The following MGMT variants were observed in gnomAD, a reference collection of about 807,000 sequenced individuals.
MGMT encodes the protein O-6-methylguanine-DNA methyltransferase, also known as methylated-DNA--protein-cysteine methyltransferase.
Under a neutral mutation model 15.9 loss-of-function variants are expected in MGMT, and 14 were observed. The ratio of observed to expected loss-of-function variants is 0.88; its 90% confidence interval spans 0.58 to 1.37. The LOEUF is 1.37. Among genes scored for constraint, MGMT ranks in the 40% most tolerant of loss-of-function variants. MGMT has a pLI of 0.00. For synonymous variants in MGMT, 130 were observed against 118.2 expected, an observed-to-expected ratio of 1.10 and a Z score of -0.65; for missense variants, 282 against 268.1, an observed-to-expected ratio of 1.05 and a Z score of -0.36.
chr10:129,467,367 G>A, intron 1 of MGMT, 71 bp downstream of exon 1: 2 of 1,424,474 alleles, frequency 1.4e-6, no homozygotes, highest in Non-Finnish European at 1.8e-6. Flanking sequence ...AGCCTCGAGT[G>A]GTCCTGCAGG....
chr10:129,734,792 G>A (rs1168404394), intron 3 of MGMT, among the ~76,000 whole-genome samples: 1 of 152,118 alleles, frequency 6.6e-6, no homozygotes, highest in African/African-American at 2.4e-5. Flanking sequence ...TTTTGTCAAA[G>A]GCCTTTTCTG....
intron 2 of MGMT, among the ~76,000 whole-genome samples, chr10:129,563,591 C>T (rs1454219896): frequency 1.3e-5 from 2 of 152,154 alleles, no homozygotes; most frequent in Non-Finnish European, 2.9e-5. Context: ...GTGGTGTGAG[C>T]ATGCGGAGCT....
At chr10:129,614,285 T>C (rs971214143) in intron 2 of MGMT, among the ~76,000 whole-genome samples, 2 of 152,242 alleles carry the variant, frequency 1.3e-5, no homozygotes, top group Non-Finnish European at 2.9e-5. Context: ...ATATGGGCTC[T>C]TTAAAAGCCT....
chr10:129,660,380 G>GT (rs1589921187), intron 2 of MGMT, among the ~76,000 whole-genome samples: 1 of 152,166 alleles, frequency 6.6e-6, no homozygotes, highest in African/African-American at 2.4e-5. Flanking sequence ...AGGCTAAGGT[G>GT]TGGGGGAGCA....
intron 3 of MGMT, among the ~76,000 whole-genome samples, chr10:129,728,438 C>T (rs573807389): frequency 8.5e-4 from 130 of 152,208 alleles, no homozygotes; most frequent in African/African-American, 2.7e-3. Context: ...CCCGCAGGGT[C>T]CATAATGGTG....
intron 2 of MGMT, among the ~76,000 whole-genome samples, chr10:129,561,970 A>G (rs1846285454): frequency 6.6e-6 from 1 of 152,212 alleles, no homozygotes; most frequent in African/African-American, 2.4e-5. Flanking sequence ...GCTGTATAAT[A>G]TGGACCCTCG....
chr10:129,533,348 G>T lies in MGMT; in HGVS notation c.-12-2893G>T, dbSNP rs11016833. 1.3e-5 allele frequency among the ~76,000 whole-genome samples: 2 copies of T among 152,086 alleles called. No homozygotes were observed. Among genetic ancestry groups the T allele is most frequent in the Admixed American group, 6.5e-5 (1 of 15,276 alleles). On this transcript the variant is annotated intron_variant, in intron 1 of 4. Coordinates refer to ENST00000651593, the MANE Select transcript of MGMT (RefSeq NM_002412.5). The surrounding 1 kb of genome is among the most constrained non-coding windows in gnomAD (Gnocchi z 4.5). ...CCTGCTGTTAAGAGTGCTACCTGAT[G>T]CAGGTGCTCGGGGCTGGCCAGGATC...
chr10:129,740,397 G>A (rs1417747200), intron 3 of MGMT, among the ~76,000 whole-genome samples: 1 of 152,108 alleles, frequency 6.6e-6, no homozygotes, highest in Non-Finnish European at 1.5e-5. Flanking sequence ...AGAGCAAGAA[G>A]GTCTTCTAAG....
At chr10:129,679,612 G>A (rs762903140) in intron 2 of MGMT, among the ~76,000 whole-genome samples, 8 of 152,150 alleles carry the variant, frequency 5.3e-5, no homozygotes, top group South Asian at 2.1e-4. Context: ...ATGTCGGGAC[G>A]TGCTGTGGGG....
Position 129,532,653 on chromosome 10 carries a change from G to T in MGMT, c.-12-3588G>T, listed in dbSNP as rs1451974905. ...TCCAATGTCTTCCCCTTTGGCTGAC[G>T]CTTGGATTGGGGGTGAACTCGAGGT... On this transcript the variant is annotated intron_variant, in intron 1 of 4. Transcript: ENST00000651593. The surrounding 1 kb of genome is among the most constrained non-coding windows in gnomAD (Gnocchi z 5.3). Among the ~76,000 whole-genome samples, 5 of 152,088 alleles carry T rather than the reference G, an allele frequency of 3.3e-5. No homozygotes were observed.
At chr10:129,603,844 T>G (rs1053363479) in intron 2 of MGMT, among the ~76,000 whole-genome samples, 2 of 152,208 alleles carry the variant, frequency 1.3e-5, no homozygotes, top group Admixed American at 1.3e-4. Context: ...AATTTGAAAG[T>G]AAGATTACTC....
chr10:129,586,470 G>A (rs760899900), intron 2 of MGMT, among the ~76,000 whole-genome samples: 7 of 152,184 alleles, frequency 4.6e-5, no homozygotes, highest in Non-Finnish European at 7.4e-5. Flanking sequence ...AAATTTTCTC[G>A]TTTTATGAAT....
intron 1 of MGMT, among the ~76,000 whole-genome samples, chr10:129,488,355 A>G (rs1196691583): frequency 6.6e-6 from 1 of 152,260 alleles, no homozygotes; most frequent in East Asian, 1.9e-4. Flanking sequence ...TCGTGTTGCC[A>G]TTCATCTTTT....
intron 3 of MGMT, among the ~76,000 whole-genome samples, chr10:129,733,189 T>C (rs1266361316): frequency 2.2e-5 from 3 of 137,184 alleles, no homozygotes; most frequent in Non-Finnish European, 4.7e-5. Flanking sequence ...GTAAAAGTGT[T>C]CCTATTTCTC....
chr10:129,516,970 G>T (rs891883520), intron 1 of MGMT, among the ~76,000 whole-genome samples: 1 of 152,250 alleles, frequency 6.6e-6, no homozygotes, highest in African/African-American at 2.4e-5. Flanking sequence ...GGTTAGCAAT[G>T]TCGACAGTTC....
intron 3 of MGMT, among the ~76,000 whole-genome samples, chr10:129,734,824 A>G (rs373267743): frequency 7.5e-4 from 114 of 152,036 alleles, no homozygotes; most frequent in African/African-American, 2.4e-3. Flanking sequence ...ATAATCATGT[A>G]GTTTTTGTCT....
chr10:129,479,672 C>A (rs995259846), intron 1 of MGMT, among the ~76,000 whole-genome samples: 13 of 151,928 alleles, frequency 8.6e-5, no homozygotes, highest in African/African-American at 3.1e-4. Flanking sequence ...CGAGGGCAGA[C>A]AAGAACCCTC....
rs55979946 is a variant in MGMT at position 129,707,589 on chromosome 10, A to G, written c.126-306A>G. On this transcript the variant is annotated intron_variant, in intron 2 of 4. Coordinates refer to ENST00000651593, the MANE Select transcript of MGMT (RefSeq NM_002412.5). ...AACTGTTTTCAATAGTGAGTGCTTGATGATTTAGGTGCAGCCGTGCCATCT... is the reference window on the plus strand; with the variant it reads ...AACTGTTTTCAATAGTGAGTGCTTGGTGATTTAGGTGCAGCCGTGCCATCT... Among the ~76,000 whole-genome samples the G allele has an allele frequency of 1.3e-4, 20 of 152,260 alleles. No individual in the cohort carries two copies. The East Asian group carries it at 3.1e-3, about 24-fold the overall frequency.
chr10:129,743,561 C>G (rs1213092845), intron 3 of MGMT, among the ~76,000 whole-genome samples: 1 of 152,202 alleles, frequency 6.6e-6, no homozygotes, highest in Non-Finnish European at 1.5e-5. Flanking sequence ...CACTCATTCC[C>G]TCCATGCCCC....
Sources: allele counts gnomAD v4.1 joint callset (sites outside exome capture counted in the v4.1 genomes callset), GRCh38; gene constraint gnomAD v4.1.1; non-coding constraint Gnocchi (gnomAD v3.1); transcripts MANE v1.5; gene names NCBI Gene and HGNC (gene_info 2026-07-23, HGNC 2026-07-21).